The following SLC39A12 variants were observed in gnomAD, a reference collection of about 807,000 sequenced individuals.
The protein encoded by SLC39A12 is solute carrier family 39 member 12.
SLC39A12 carries 63 observed loss-of-function variants against 71.1 expected under a neutral mutation model. That is an observed-to-expected ratio of 0.89 (90% confidence interval 0.72 to 1.09). SLC39A12 has a LOEUF of 1.09. Among genes scored for constraint, SLC39A12 ranks in the 50% least tolerant of loss-of-function variants. The pLI is 0.00. For missense variants in SLC39A12, 892 were observed against 812.6 expected, an observed-to-expected ratio of 1.10 and a Z score of -1.19; for synonymous variants, 351 against 301.3, an observed-to-expected ratio of 1.16 and a Z score of -1.71.
chr10:18,036,794 A>ATATATTTTTTT (rs1554855475), intron 12 of SLC39A12, among the ~76,000 whole-genome samples: 5 of 92,862 alleles, frequency 5.4e-5, no homozygotes, highest in Non-Finnish European at 9.6e-5. Context: ...ATATATATAT[A>ATATATTTTTTT]TTTTTTTTTT....
chr10:17,999,590 G>A (rs1182994722), intron 10 of SLC39A12, among the ~76,000 whole-genome samples: 1 of 152,134 alleles, frequency 6.6e-6, no homozygotes, highest in African/African-American at 2.4e-5. Flanking sequence ...CCATTAAAAA[G>A]CTGAACCCAA....
intron 12 of SLC39A12, 137 bp from the exon 13 acceptor site, chr10:18,042,567 AT>A: frequency 2.8e-6 from 2 of 710,968 alleles, no homozygotes; most frequent in Non-Finnish European, 4.2e-6. Context: ...TAGAGTAGGT[AT>A]TCAGCATTTT....
intron 12 of SLC39A12, among the ~76,000 whole-genome samples, chr10:18,030,451 G>C (rs1836809342): frequency 6.6e-6 from 1 of 151,676 alleles, no homozygotes; most frequent in Non-Finnish European, 1.5e-5. Flanking sequence ...ATGTTAGCCA[G>C]GATAGTCTCA....
chr10:17,994,134 G>T (rs1427579546), intron 9 of SLC39A12, among the ~76,000 whole-genome samples: 1 of 152,056 alleles, frequency 6.6e-6, no homozygotes, highest in Non-Finnish European at 1.5e-5. Context: ...TCTAAATGTG[G>T]TTTGAAAAAA....
intron 2 of SLC39A12, among the ~76,000 whole-genome samples, chr10:17,955,990 CAT>C (rs1198894370): frequency 6.6e-6 from 1 of 152,172 alleles, no homozygotes; most frequent in Non-Finnish European, 1.5e-5. Flanking sequence ...AGTGTTGAGA[CAT>C]GTGGAGCCTC....
intron 12 of SLC39A12, among the ~76,000 whole-genome samples, chr10:18,040,780 A>AAAAG (rs1211348592): frequency 1.1e-4 from 17 of 152,002 alleles, no homozygotes; most frequent in African/African-American, 4.1e-4. Flanking sequence ...AAAAAAAAAA[A>AAAAG]AAAAAAGTGT....
At chr10:18,003,053 A>G (rs1048392044) in intron 11 of SLC39A12, 118 bp from the exon 12 acceptor site, 7 of 803,828 alleles carry the variant, frequency 8.7e-6, no homozygotes, top group South Asian at 7.3e-5. Flanking sequence ...TGATCACTCA[A>G]CTCTACCTAT....
At chr10:17,988,060 C>T (rs956199094) in intron 7 of SLC39A12, among the ~76,000 whole-genome samples, 1 of 152,116 alleles carries the variant, frequency 6.6e-6, no homozygotes. Flanking sequence ...GTAGTCCCAG[C>T]ACTTTGGGAG....
At chr10:17,970,397 A>T (rs1834937224) in intron 4 of SLC39A12, among the ~76,000 whole-genome samples, 1 of 151,978 alleles carries the variant, frequency 6.6e-6, no homozygotes, top group Non-Finnish European at 1.5e-5. Flanking sequence ...TTTTAACAAT[A>T]TTTATTTTTC....
chr10:17,954,628 A>C (rs1411591119), intron 2 of SLC39A12, among the ~76,000 whole-genome samples: 3 of 152,220 alleles, frequency 2.0e-5, no homozygotes, highest in African/African-American at 7.2e-5. Flanking sequence ...GGATGGAAGG[A>C]GGTGAGAACT....
At chr10:17,981,758 G>A (rs1384137795) in intron 6 of SLC39A12, among the ~76,000 whole-genome samples, 1 of 152,174 alleles carries the variant, frequency 6.6e-6, no homozygotes, top group Non-Finnish European at 1.5e-5. Context: ...TGGCCCTGGA[G>A]TCCTTGTTTC....
At chr10:17,994,793 A>C (rs1472080022) in intron 9 of SLC39A12, among the ~76,000 whole-genome samples, 1 of 152,162 alleles carries the variant, frequency 6.6e-6, no homozygotes, top group Non-Finnish European at 1.5e-5. Flanking sequence ...AATGTGTAAA[A>C]TTTACTTTCT....
At chr10:18,013,843 A>C (rs901786117) in intron 12 of SLC39A12, among the ~76,000 whole-genome samples, 1 of 152,216 alleles carries the variant, frequency 6.6e-6, no homozygotes, top group African/African-American at 2.4e-5. Context: ...GTCTGTAGCC[A>C]GTACCACACT....
At chr10:17,960,909 A>G (rs780917199) in intron 2 of SLC39A12, among the ~76,000 whole-genome samples, 4 of 152,268 alleles carry the variant, frequency 2.6e-5, no homozygotes, top group Non-Finnish European at 5.9e-5. Context: ...ATAAGGTTAA[A>G]ATATTACAAA....
chr10:17,965,788 G>C, intron 4 of SLC39A12, 98 bp downstream of exon 4: 1 of 1,001,164 alleles, frequency 1.0e-6, no homozygotes, highest in South Asian at 1.6e-5. Context: ...AATTCGTTCA[G>C]GTATGTTTTA....
At chr10:17,962,981 C>A (rs1313105213) in intron 3 of SLC39A12, among the ~76,000 whole-genome samples, 1 of 151,998 alleles carries the variant, frequency 6.6e-6, no homozygotes, top group African/African-American at 2.4e-5. Flanking sequence ...CATAGCAAGA[C>A]CTTGTCTCTA....
intron 4 of SLC39A12, 120 bp downstream of exon 4, chr10:17,965,810 T>C (rs538354954): frequency 1.2e-6 from 1 of 816,470 alleles, no homozygotes; most frequent in African/African-American, 1.7e-5. Context: ...ATACCATTTT[T>C]TATAGAGTCA....
At chr10:17,989,523 G>C (rs755997359) in intron 7 of SLC39A12, among the ~76,000 whole-genome samples, 1 of 152,232 alleles carries the variant, frequency 6.6e-6, no homozygotes, top group Admixed American at 6.5e-5. Flanking sequence ...GGAGCCCACA[G>C]CGAAGGTGGA....
intron 12 of SLC39A12, among the ~76,000 whole-genome samples, chr10:18,030,375 C>A (rs964974315): frequency 2.0e-5 from 3 of 151,538 alleles, no homozygotes; most frequent in Non-Finnish European, 4.4e-5. Context: ...GTAGCTGGGA[C>A]CACATGGGCC....
Sources: allele counts gnomAD v4.1 joint callset (sites outside exome capture counted in the v4.1 genomes callset), GRCh38; gene constraint gnomAD v4.1.1; transcripts MANE v1.5; gene names NCBI Gene and HGNC (gene_info 2026-07-23, HGNC 2026-07-21).